C12orf42: variants seen among roughly 807,000 people sequenced by gnomAD.
C12orf42 encodes the protein chromosome 12 open reading frame 42.
In C12orf42, 25 loss-of-function variants were observed where a neutral mutation model predicts 21.6. The observed-to-expected ratio is 1.16, with a 90% CI of 0.84 to 1.62. The LOEUF (loss-of-function observed/expected upper bound fraction) is 1.62. Ranked by LOEUF, C12orf42 falls within the 40% of genes most tolerant of loss-of-function variation. C12orf42 has a pLI of 0.00. For missense variants in C12orf42, 483 were observed against 459.3 expected (o/e 1.05, Z -0.47); for synonymous variants, 174 against 175.0 (o/e 0.99, Z 0.05).
the C12orf42 span, among the ~76,000 whole-genome samples, chr12:103,201,174 T>C: frequency 6.6e-6 from 1 of 152,222 alleles, no homozygotes; most frequent in East Asian, 1.9e-4. Context: ...CCCTTTCTGC[T>C]GACCAATGCT....
At chr12:103,526,049 T>G in the C12orf42 span, among the ~76,000 whole-genome samples, 243 of 152,154 alleles carry the variant, frequency 1.6e-3, no homozygotes, top group African/African-American at 5.6e-3. Context: ...CAAAACAAAA[T>G]CTGCCTTCAG....
chr12:103,305,645 T>A (rs1751090228), intron 5 of C12orf42, among the ~76,000 whole-genome samples: 1 of 152,156 alleles, frequency 6.6e-6, no homozygotes, highest in Non-Finnish European at 1.5e-5. Flanking sequence ...GAGGATTTCA[T>A]AAAATAATAT....
At chr12:103,288,099 T>A (rs10860976) in intron 4 of C12orf42, among the ~76,000 whole-genome samples, 12,582 of 152,160 alleles carry the variant, frequency 0.083, 516 homozygotes, top group East Asian at 0.18. Context: ...CCCAAGATAA[T>A]GAGGAAGTTT....
chr12:103,053,582 A>C, the C12orf42 span, among the ~76,000 whole-genome samples: 1 of 152,072 alleles, frequency 6.6e-6, no homozygotes, highest in South Asian at 2.1e-4. Context: ...TCTTTCTAAA[A>C]GCAAATGTTT....
chr12:103,279,301 G>A (rs2035960989), intron 4 of C12orf42, among the ~76,000 whole-genome samples: 1 of 152,026 alleles, frequency 6.6e-6, no homozygotes, highest in South Asian at 2.1e-4. Context: ...CACTGATTGT[G>A]GTAATGGTTC....
chr12:103,338,161 C>T (rs2041879312), intron 4 of C12orf42, among the ~76,000 whole-genome samples: 1 of 152,202 alleles, frequency 6.6e-6, no homozygotes, highest in Non-Finnish European at 1.5e-5. Context: ...AACTGAGGAA[C>T]TGAATTTTAC....
At chr12:103,066,617 C>T in the C12orf42 span, among the ~76,000 whole-genome samples, 1 of 152,218 alleles carries the variant, frequency 6.6e-6, no homozygotes, top group Admixed American at 6.5e-5. Context: ...GAGCAGTGCA[C>T]TGTTTGTGCT....
chr12:103,220,202 T>C, the C12orf42 span, among the ~76,000 whole-genome samples: 1 of 151,348 alleles, frequency 6.6e-6, no homozygotes, highest in Non-Finnish European at 1.5e-5. Flanking sequence ...TAAGTAGGAG[T>C]TGAATAATGA....
chr12:103,236,556 G>A (rs1336935081), downstream of C12orf42, among the ~76,000 whole-genome samples: 4 of 152,180 alleles, frequency 2.6e-5, no homozygotes, highest in Non-Finnish European at 5.9e-5. Flanking sequence ...TAAAACAGCA[G>A]TGGGTGCATA....
chr12:103,466,626 A>G (rs569755673), intron 2 of C12orf42, among the ~76,000 whole-genome samples: 1 of 152,166 alleles, frequency 6.6e-6, no homozygotes, highest in East Asian at 1.9e-4. Flanking sequence ...TTGCAAAATA[A>G]ATCATATAAT....
At chr12:103,179,280 C>T in the C12orf42 span, among the ~76,000 whole-genome samples, 1 of 152,156 alleles carries the variant, frequency 6.6e-6, no homozygotes, top group Non-Finnish European at 1.5e-5. Context: ...GGGAGACAGA[C>T]ATGTTTTAAA....
At chr12:103,112,528 G>T in the C12orf42 span, among the ~76,000 whole-genome samples, 2 of 152,034 alleles carry the variant, frequency 1.3e-5, no homozygotes, top group Non-Finnish European at 2.9e-5. Context: ...GAGCATGGTG[G>T]CAAGCACCTG....
At chr12:103,540,242 A>G in the C12orf42 span, among the ~76,000 whole-genome samples, 1 of 152,092 alleles carries the variant, frequency 6.6e-6, no homozygotes, top group Non-Finnish European at 1.5e-5. Flanking sequence ...TCCTGACCTC[A>G]TGATCTGCCT....
chr12:103,130,913 G>A, the C12orf42 span, among the ~76,000 whole-genome samples: 1 of 152,166 alleles, frequency 6.6e-6, no homozygotes, highest in Admixed American at 6.5e-5. Flanking sequence ...AGTCAATGGT[G>A]TACCCACAAT....
chr12:103,255,592 C>T (rs1329283674), intron 10 of C12orf42, among the ~76,000 whole-genome samples: 4 of 151,846 alleles, frequency 2.6e-5, no homozygotes, highest in Admixed American at 6.6e-5. Context: ...AATACTATTT[C>T]TTTTTCTTTC....
intron 4 of C12orf42, among the ~76,000 whole-genome samples, chr12:103,329,333 G>C (rs1330941763): frequency 1.3e-5 from 2 of 152,100 alleles, no homozygotes; most frequent in Admixed American, 1.3e-4. Flanking sequence ...AGTCCAATGA[G>C]AACACATGGA....
At chr12:103,146,003 G>A in the C12orf42 span, among the ~76,000 whole-genome samples, 36 of 152,056 alleles carry the variant, frequency 2.4e-4, no homozygotes, top group Middle Eastern at 6.8e-3. Context: ...AAAACCATCT[G>A]GGAGGTTATA....
chr12:103,560,989 C>A, the C12orf42 span, among the ~76,000 whole-genome samples: 2,110 of 152,320 alleles, frequency 0.014, 54 homozygotes, highest in African/African-American at 0.048. Context: ...TGACTTGCTA[C>A]CTGAAATACT....
chr12:103,102,605 G>A, the C12orf42 span, among the ~76,000 whole-genome samples: 2 of 152,178 alleles, frequency 1.3e-5, no homozygotes, highest in Non-Finnish European at 2.9e-5. Flanking sequence ...GCTTCTCACT[G>A]CTAAAAAGCT....
Sources: gnomAD v4.1 joint callset for allele counts (sites outside exome capture counted in the v4.1 genomes callset) on GRCh38, gnomAD v4.1.1 for gene constraint, MANE v1.5 for transcripts, NCBI Gene and HGNC (gene_info 2026-07-23, HGNC 2026-07-21) for gene names.